The following LYPD6B variants were observed in gnomAD, a reference collection of about 807,000 sequenced individuals.
LYPD6B encodes the protein LY6/PLAUR domain containing 6B.
A neutral mutation model predicts 22.8 loss-of-function variants in LYPD6B; 17 were observed. That is an observed-to-expected ratio of 0.75 (90% CI 0.51 to 1.12). LYPD6B has a LOEUF of 1.12. Ranked by LOEUF, LYPD6B falls within the 50% of genes most tolerant of loss-of-function variation. LYPD6B has a pLI of 0.00. For missense variants in LYPD6B, 221 were observed against 258.3 expected (o/e 0.86, Z 0.99); for synonymous variants, 106 against 91.6 (o/e 1.16, Z -0.90).
chr2:149,203,983 G>A (rs1280740749), intron 3 of LYPD6B, among the ~76,000 whole-genome samples: 1 of 152,218 alleles, frequency 6.6e-6, no homozygotes, highest in African/African-American at 2.4e-5. Context: ...GATTATGCTT[G>A]TATATGCAGA....
At chr2:149,174,791 G>C (rs981183409) in intron 3 of LYPD6B, among the ~76,000 whole-genome samples, 3 of 151,766 alleles carry the variant, frequency 2.0e-5, no homozygotes, top group Admixed American at 6.6e-5. Context: ...CAGAGGTTGG[G>C]GGGGTGGGAG....
chr2:149,097,374 G>A (rs1685952384), intron 1 of LYPD6B, among the ~76,000 whole-genome samples: 1 of 152,180 alleles, frequency 6.6e-6, no homozygotes, highest in Non-Finnish European at 1.5e-5. Context: ...CACCATACCT[G>A]GAAACACATT....
intron 3 of LYPD6B, among the ~76,000 whole-genome samples, chr2:149,196,034 C>T (rs985727429): frequency 2.6e-5 from 4 of 152,126 alleles, no homozygotes; most frequent in South Asian, 4.1e-4. Flanking sequence ...GACCATGAAC[C>T]GTATCGTGAA....
At chr2:149,090,011 G>C (rs1329818685) in intron 1 of LYPD6B, among the ~76,000 whole-genome samples, 2 of 152,114 alleles carry the variant, frequency 1.3e-5, no homozygotes, top group Non-Finnish European at 2.9e-5. Flanking sequence ...CTAAGAGTGT[G>C]TGATGGGGAT....
intron 1 of LYPD6B, among the ~76,000 whole-genome samples, chr2:149,097,161 T>C (rs901532099): frequency 2.6e-5 from 4 of 152,260 alleles, no homozygotes; most frequent in Non-Finnish European, 5.9e-5. Context: ...CATGTGCCAC[T>C]GTCTTCTGCG....
chr2:149,177,053 T>G (rs1691365962), intron 3 of LYPD6B, among the ~76,000 whole-genome samples: 2 of 152,188 alleles, frequency 1.3e-5, no homozygotes, highest in South Asian at 4.1e-4. Context: ...GTGTTTGCAT[T>G]CTGTAGGGCA....
At chr2:149,167,109 C>G (rs994410879) in intron 3 of LYPD6B, among the ~76,000 whole-genome samples, 12 of 151,774 alleles carry the variant, frequency 7.9e-5, no homozygotes, top group African/African-American at 2.9e-4. Context: ...TTCAAACCAG[C>G]TGGGACAGTT....
rs886287495 is a variant in LYPD6B, at chr2:149,160,145, C to T, written c.6-619C>T. On this transcript the variant is annotated intron_variant, in intron 2 of 6. Coordinates refer to ENST00000409642, the MANE Select transcript of LYPD6B (RefSeq NM_177964.5). ...TTCTAGCCTGGGCCAGAGTGAGATC[C>T]CATCTCTTACCAAAAAAAAAGGTAT... is the stretch of plus-strand genomic sequence containing the variant. 4.6e-5 allele frequency among the ~76,000 whole-genome samples: 7 copies of T among 151,980 alleles called. No individual in the cohort carries two copies. The South Asian group carries it at 1.2e-3, about 27-fold the overall frequency.
At chr2:149,080,149 G>A (rs1476152441) in intron 1 of LYPD6B, among the ~76,000 whole-genome samples, 1 of 152,176 alleles carries the variant, frequency 6.6e-6, no homozygotes, top group Admixed American at 6.5e-5. Flanking sequence ...GTGATGGCAA[G>A]GCTGGGCTCG....
chr2:149,127,401 G>A (rs774972705), intron 1 of LYPD6B, among the ~76,000 whole-genome samples: 4 of 152,168 alleles, frequency 2.6e-5, no homozygotes, highest in East Asian at 1.9e-4. Flanking sequence ...ATCTGGGACT[G>A]CATTAGTAAC....
chr2:149,097,974 A>G (rs938798585), intron 1 of LYPD6B, among the ~76,000 whole-genome samples: 1 of 152,208 alleles, frequency 6.6e-6, no homozygotes, highest in South Asian at 2.1e-4. Flanking sequence ...TAGAAAAATA[A>G]TCATTGAGTG....
At chr2:149,087,672 A>G (rs902254392) in intron 1 of LYPD6B, among the ~76,000 whole-genome samples, 5 of 152,152 alleles carry the variant, frequency 3.3e-5, no homozygotes, top group Non-Finnish European at 7.4e-5. Flanking sequence ...ACAGGTACTC[A>G]CAGTTACTTG....
chr2:149,211,684 C>T (rs545139382), intron 5 of LYPD6B, among the ~76,000 whole-genome samples: 4 of 152,118 alleles, frequency 2.6e-5, no homozygotes, highest in African/African-American at 9.6e-5. Flanking sequence ...ACTTGCTCAC[C>T]TATGACAAAG....
intron 2 of LYPD6B, among the ~76,000 whole-genome samples, chr2:149,150,723 T>C (rs1689312329): frequency 6.6e-6 from 1 of 152,082 alleles, no homozygotes; most frequent in Admixed American, 6.5e-5. Flanking sequence ...TGTACTTTAG[T>C]CGTAAAAAAT....
At chr2:149,182,590 A>G (rs1691818448) in intron 3 of LYPD6B, among the ~76,000 whole-genome samples, 1 of 152,170 alleles carries the variant, frequency 6.6e-6, no homozygotes, top group South Asian at 2.1e-4. Flanking sequence ...AAATTAATTC[A>G]AGTGGAACTC....
At chr2:149,162,078 G>A (rs1690100377) in intron 3 of LYPD6B, among the ~76,000 whole-genome samples, 1 of 152,122 alleles carries the variant, frequency 6.6e-6, no homozygotes, top group Non-Finnish European at 1.5e-5. Context: ...TAAGACATAT[G>A]GGAACATTGG....
intron 3 of LYPD6B, among the ~76,000 whole-genome samples, chr2:149,181,229 T>C (rs1342634043): frequency 6.6e-6 from 1 of 152,148 alleles, no homozygotes; most frequent in African/African-American, 2.4e-5. Flanking sequence ...TCACATTAAA[T>C]GGAGGCCTGA....
chr2:149,063,701 T>C (rs1194844684), intron 1 of LYPD6B, among the ~76,000 whole-genome samples: 1 of 152,182 alleles, frequency 6.6e-6, no homozygotes, highest in Non-Finnish European at 1.5e-5. Context: ...TAGAACCCAC[T>C]AAACATGCCA....
chr2:149,108,085 G>C (rs1039121066), intron 1 of LYPD6B, among the ~76,000 whole-genome samples: 1 of 152,060 alleles, frequency 6.6e-6, no homozygotes, highest in Non-Finnish European at 1.5e-5. Flanking sequence ...GAATCATGGG[G>C]GCAAGTCTTT....
Sources: allele counts gnomAD v4.1 joint callset (sites outside exome capture counted in the v4.1 genomes callset), GRCh38; gene constraint gnomAD v4.1.1; transcripts MANE v1.5; gene names NCBI Gene and HGNC (gene_info 2026-07-23, HGNC 2026-07-21).